The following CATSPERE variants were observed in gnomAD, a reference collection of about 807,000 sequenced individuals.
CATSPERE encodes catsper channel auxiliary subunit epsilon.
Under a neutral mutation model 114.1 loss-of-function variants are expected in CATSPERE, and 93 were observed. The ratio of observed to expected loss-of-function variants is 0.81; its 90% CI spans 0.69 to 0.97. The LOEUF (loss-of-function observed/expected upper bound fraction) is 0.97. Ranked by LOEUF, CATSPERE falls within the 50% of genes least tolerant of loss-of-function variation. The probability of loss-of-function intolerance (pLI) is 0.00; values close to 1 mark genes in which losing one functional copy is unlikely to be tolerated. For missense variants in CATSPERE, 1,058 were observed against 1,131.6 expected (o/e 0.93, Z 0.93); for synonymous variants, 341 against 384.1 (o/e 0.89, Z 1.31).
intron 7 of CATSPERE, among the ~76,000 whole-genome samples, chr1:244,503,103 GA>G (rs35097675): frequency 6.6e-6 from 1 of 152,168 alleles, no homozygotes; most frequent in Admixed American, 6.5e-5. Context: ...ATAAATGTGT[GA>G]AGTGTGTTGC....
At chr1:244,577,388 A>G (rs1208527622) in intron 11 of CATSPERE, among the ~76,000 whole-genome samples, 1 of 152,230 alleles carries the variant, frequency 6.6e-6, no homozygotes, top group Non-Finnish European at 1.5e-5. Flanking sequence ...AGATCTTCAA[A>G]CACAGAGTTG....
At chr1:244,549,665 G>A (rs1332090282) in intron 8 of CATSPERE, among the ~76,000 whole-genome samples, 1 of 152,160 alleles carries the variant, frequency 6.6e-6, no homozygotes, top group African/African-American at 2.4e-5. Context: ...GTTGTACCAT[G>A]TTAGGTACAA....
rs67626437 is a variant in CATSPERE, at chr1:244,553,602, TACACACACACACACAC to T, written c.1029+816_1029+831del. 1.9e-3 allele frequency among the ~76,000 whole-genome samples: 179 copies of T among 91,942 alleles called. 1 individual carries two copies. In the Middle Eastern group the frequency reaches 0.022, roughly 11 times the overall value. The allele number at this position is 91,942 out of a possible 152,430, so 60.3% of individuals were successfully genotyped here. ...TCTCAAAAAAAAAAAAAAAAAAAAA[TACACACACACACACAC>T]ACACACACACACACACACACACACA... On this transcript the variant is annotated intron_variant, in intron 9 of 21. Transcript: ENST00000366534.
chr1:244,512,817 G>C (rs1295270307), intron 7 of CATSPERE, among the ~76,000 whole-genome samples: 1 of 152,210 alleles, frequency 6.6e-6, no homozygotes, highest in Non-Finnish European at 1.5e-5. Flanking sequence ...CAGTAGTGTA[G>C]TCCCTGCATG....
At chr1:244,458,539 C>G (rs1357093977), upstream of CATSPERE, among the ~76,000 whole-genome samples, 2 of 151,994 alleles carry the variant, frequency 1.3e-5, no homozygotes, top group Non-Finnish European at 2.9e-5. Flanking sequence ...GAAAAAAAAA[C>G]AAACTTCTAG....
In CATSPERE at chr1:244,633,649, C is replaced by G. The variant is rs1674258002; in HGVS notation, c.2649-1840C>G. Among the ~76,000 whole-genome samples, 1 of 152,098 alleles carries G rather than the reference C, an allele frequency of 6.6e-6. No individual in the cohort carries two copies. The highest frequency in any genetic ancestry group is 1.5e-5 in the Non-Finnish European group (1 of 68,006). ...GCATGCACACACACACACACGCACA[C>G]AAAACCCCCACTACTTTCCTCTACA... On this transcript the variant is annotated intron_variant, in intron 20 of 21. Transcript: ENST00000366534. The surrounding 1 kb of genome is among the most constrained non-coding windows in gnomAD (Gnocchi z 4.1).
chr1:244,626,061 A>G (rs191944336), intron 20 of CATSPERE, among the ~76,000 whole-genome samples: 75 of 152,324 alleles, frequency 4.9e-4, no homozygotes, highest in African/African-American at 1.7e-3. Flanking sequence ...GAAGGGCCCT[A>G]GAATTTTTGG....
chr1:244,460,009 T>G (rs1666523079), upstream of CATSPERE, among the ~76,000 whole-genome samples: 1 of 152,206 alleles, frequency 6.6e-6, no homozygotes, highest in African/African-American at 2.4e-5. Flanking sequence ...AGGGAAGGAT[T>G]GAAACCATCT....
intron 19 of CATSPERE, 69 bp downstream of exon 19, chr1:244,610,395 A>G (rs1670551229): frequency 9.2e-7 from 1 of 1,082,974 alleles, no homozygotes; most frequent in Admixed American, 1.8e-5. Context: ...TATTAACAAA[A>G]ACTTGATGGA....
chr1:244,489,258 C>T (rs991828413), intron 5 of CATSPERE, among the ~76,000 whole-genome samples: 2 of 152,082 alleles, frequency 1.3e-5, no homozygotes, highest in Non-Finnish European at 2.9e-5. Context: ...GCCACCAGGC[C>T]CGGCCTGTTA....
At chr1:244,563,120 T>C (rs142928472) in intron 10 of CATSPERE, among the ~76,000 whole-genome samples, 2 of 152,358 alleles carry the variant, frequency 1.3e-5, no homozygotes, top group African/African-American at 4.8e-5. Context: ...ACATTTTCTT[T>C]ATCCAGTCTA....
At chr1:244,610,754 C>CCT (rs778157701) in intron 19 of CATSPERE, among the ~76,000 whole-genome samples, 1 of 136,414 alleles carries the variant, frequency 7.3e-6, no homozygotes, top group Non-Finnish European at 1.6e-5. Flanking sequence ...ATTTTCTTTC[C>CCT]TTTTTTTTTT....
intron 10 of CATSPERE, among the ~76,000 whole-genome samples, chr1:244,571,521 T>G (rs1165286609): frequency 6.6e-6 from 1 of 152,166 alleles, no homozygotes; most frequent in Non-Finnish European, 1.5e-5. Context: ...GGCAGAATAT[T>G]AAGTGGAGAA....
At chr1:244,566,194 A>C (rs530348734) in intron 10 of CATSPERE, among the ~76,000 whole-genome samples, 119 of 152,266 alleles carry the variant, frequency 7.8e-4, no homozygotes, top group African/African-American at 2.9e-3. Context: ...ACTGTTTGTT[A>C]TGATTTCCAT....
chr1:244,572,756 A>C lies in CATSPERE; in HGVS notation c.1934A>C (p.Tyr645Ser), dbSNP rs776962584. Reference sequence around the variant, plus strand: ...ATTTCCTTTGAAGCTGCCTTTGGATACTGCACCAAAACTCTGGTAAGCTAA... The same window carrying C: ...ATTTCCTTTGAAGCTGCCTTTGGATCCTGCACCAAAACTCTGGTAAGCTAA... ...HEISFEAAFG[Y>S]CTKTLTLTFY... Residue 645 changes from tyrosine to serine, a missense_variant, in exon 11 of 22, where the codon TAC (tyrosine) becomes TCC (serine). Tyr to Ser is a moderately radical substitution (Grantham distance 144). Transcript: ENST00000366534. 2.5e-6 allele frequency: 4 copies of C among 1,587,736 alleles called. No individual in the cohort carries two copies. Among genetic ancestry groups the C allele is most frequent in the Non-Finnish European group, 3.4e-6 (4 of 1,168,934 alleles).
intron 8 of CATSPERE, among the ~76,000 whole-genome samples, chr1:244,525,286 C>G (rs1249263127): frequency 7.2e-6 from 1 of 139,096 alleles, no homozygotes; most frequent in Non-Finnish European, 1.5e-5. Context: ...GGGAATTGAA[C>G]AATGAGAACA....
Position 244,566,613 on chromosome 1 carries a change from T to G in CATSPERE, c.1507+5468T>G, listed in dbSNP as rs183283360. ...TTGTCTTTTTTGATCTTTGCTGGTTTAAAGTCTGTTTTATCAGAGACTAGG... is the reference window on the plus strand; with the variant it reads ...TTGTCTTTTTTGATCTTTGCTGGTTGAAAGTCTGTTTTATCAGAGACTAGG... On this transcript the variant is annotated intron_variant, in intron 10 of 21. Transcript: ENST00000366534. Among the ~76,000 whole-genome samples the G allele has an allele frequency of 2.8e-5, 4 of 144,338 alleles. No individual in the cohort carries two copies. The East Asian group carries it at 8.1e-4, about 29-fold the overall frequency. The allele number at this position is 144,338 out of a possible 152,430, so 94.7% of individuals were successfully genotyped here. A position where few individuals can be genotyped will look rare whatever the true frequency, so the allele number is the denominator to read the frequency against.
chr1:244,476,018 C>T (rs1669291125), intron 2 of CATSPERE, among the ~76,000 whole-genome samples: 2 of 151,992 alleles, frequency 1.3e-5, no homozygotes. Context: ...TTTTATTTCA[C>T]TAATATCAAA....
intron 21 of CATSPERE, among the ~76,000 whole-genome samples, chr1:244,635,933 G>C (rs1674582420): frequency 6.6e-6 from 1 of 152,132 alleles, no homozygotes; most frequent in Non-Finnish European, 1.5e-5. Context: ...GGGCACAGCA[G>C]GAAGGAATTC....
Sources: allele counts gnomAD v4.1 joint callset (sites outside exome capture counted in the v4.1 genomes callset), GRCh38; gene constraint gnomAD v4.1.1; non-coding constraint Gnocchi (gnomAD v3.1); transcripts MANE v1.5; gene names NCBI Gene and HGNC (gene_info 2026-07-23, HGNC 2026-07-21).